UTRN: variants seen among roughly 807,000 people sequenced by gnomAD.
The protein encoded by UTRN is utrophin.
In UTRN, 283 loss-of-function variants were observed where a neutral mutation model predicts 463.9. The observed-to-expected ratio is 0.61, with a 90% CI of 0.55 to 0.67. The LOEUF is 0.67. Ranked by LOEUF, UTRN falls within the 30% of genes least tolerant of loss-of-function variation. UTRN has a pLI of 0.00. For synonymous variants in UTRN, 1,442 were observed against 1,431.5 expected, an observed-to-expected ratio of 1.01 and a Z score of -0.17; for missense variants, 3,922 against 4,084.3, an observed-to-expected ratio of 0.96 and a Z score of 1.08.
chr6:144,438,910 T>G lies in UTRN; in HGVS notation c.1392+15T>G. ...AAGAACATAAAGTAAATCTGTCTCA[T>G]ATTTCTTCGATACCTTATCAAATAT... On this transcript the variant is annotated intron_variant, in intron 12 of 74. Transcript: ENST00000367545. The G allele has an allele frequency of 6.2e-7, 1 of 1,613,298 alleles. No individual in the cohort carries two copies. Among genetic ancestry groups the G allele is most frequent in the Non-Finnish European group, 8.5e-7 (1 of 1,179,438 alleles).
chr6:144,461,240 A>G lies in UTRN; in HGVS notation c.2751A>G (p.Lys917=), dbSNP rs150243079. The G allele has an allele frequency of 6.2e-7, 1 of 1,608,804 alleles. No homozygotes were observed. Among genetic ancestry groups the G allele is most frequent in the Admixed American group, 1.7e-5 (1 of 59,728 alleles). Residue 917 remains lysine (K), a synonymous_variant, in exon 22 of 75, where the codon AAA becomes AAG. Coordinates refer to ENST00000367545, the MANE Select transcript of UTRN (RefSeq NM_007124.3). ...QPGHAYLETL[K]TLKDVLNDSE... is the part of the protein sequence containing the mutation. ...GACATGCATATCTGGAAACATTGAA[A>G]ACACTGAAAGATGTGCTAAATGATT...
At chr6:144,315,879 C>T (rs1398311510) in intron 2 of UTRN, among the ~76,000 whole-genome samples, 1 of 152,152 alleles carries the variant, frequency 6.6e-6, no homozygotes, top group Non-Finnish European at 1.5e-5. Context: ...CATGATTTGC[C>T]AGATGAGAAC....
intron 11 of UTRN, among the ~76,000 whole-genome samples, chr6:144,438,466 C>T (rs763434790): frequency 1.8e-4 from 28 of 152,112 alleles, no homozygotes; most frequent in Non-Finnish European, 2.4e-4. Context: ...TTGCCACTTC[C>T]ACCTATTTAA....
chr6:144,344,012 G>A (rs1297136211), intron 2 of UTRN: 1 of 515,638 alleles, frequency 1.9e-6, no homozygotes, highest in African/African-American at 2.2e-5. Context: ...TGACTACAAA[G>A]TGTAACTTCC....
intron 44 of UTRN, among the ~76,000 whole-genome samples, chr6:144,538,594 C>T (rs1199220564): frequency 6.7e-6 from 1 of 149,820 alleles, no homozygotes; most frequent in Non-Finnish European, 1.5e-5. Context: ...GGCATGAACC[C>T]AGGAGGCAGA....
intron 2 of UTRN, among the ~76,000 whole-genome samples, chr6:144,390,951 GT>G (rs1290141914): frequency 6.6e-6 from 1 of 152,020 alleles, no homozygotes; most frequent in Admixed American, 6.6e-5. Flanking sequence ...CTATTTCTTT[GT>G]ACAGTGTTTT....
chr6:144,550,324 A>G (rs1486494542), intron 47 of UTRN, among the ~76,000 whole-genome samples: 1 of 152,224 alleles, frequency 6.6e-6, no homozygotes, highest in African/African-American at 2.4e-5. Context: ...ACTGGGAAAA[A>G]GTCATTTGCC....
intron 28 of UTRN, among the ~76,000 whole-genome samples, chr6:144,486,814 T>C (rs1348974678): frequency 6.6e-6 from 1 of 152,118 alleles, no homozygotes; most frequent in Non-Finnish European, 1.5e-5. Flanking sequence ...GCCATCGCAC[T>C]TGGCCAGGCT....
intron 10 of UTRN, among the ~76,000 whole-genome samples, chr6:144,436,862 AAT>A (rs1298299202): frequency 7.0e-6 from 1 of 143,308 alleles, no homozygotes; most frequent in African/African-American, 2.5e-5. Flanking sequence ...TATATAAATA[AAT>A]ATATATAAAT....
At chr6:144,637,511 A>C (rs1307990761) in intron 51 of UTRN, among the ~76,000 whole-genome samples, 1 of 152,024 alleles carries the variant, frequency 6.6e-6, no homozygotes, top group African/African-American at 2.4e-5. Context: ...TACATGTTAT[A>C]ACGTGCAACG....
chr6:144,291,883 A>G lies in UTRN; in HGVS notation c.55A>G (p.Ser19Gly). Residue 19 changes from serine to glycine, a missense_variant, in exon 2 of 75, where the codon AGT (serine) becomes GGT (glycine). Around this residue, in one of 3 missense-constraint regions of UTRN, gnomAD observed 264 missense variants for 327.9 expected, o/e 0.81. Coordinates refer to ENST00000367545, the MANE Select transcript of UTRN (RefSeq NM_007124.3). ...ASPDNGQNEFSDIIKSRSDEH... is the reference protein window; with the variant it reads ...ASPDNGQNEFGDIIKSRSDEH... ...TCCTGACAATGGGCAGAACGAATTC[A>G]GTGATATCATTAAGTCCAGATCTGG... is the stretch of plus-strand genomic sequence containing the variant. The G allele has an allele frequency of 1.2e-6, 2 of 1,613,252 alleles. No individual in the cohort carries two copies. The highest frequency in any genetic ancestry group is 1.7e-6 in the Non-Finnish European group (2 of 1,179,570).
chr6:144,430,682 TCAA>T (rs1489907079), intron 9 of UTRN, among the ~76,000 whole-genome samples: 1 of 152,150 alleles, frequency 6.6e-6, no homozygotes, highest in Non-Finnish European at 1.5e-5. Flanking sequence ...TAATAAACAC[TCAA>T]CAAGCAACAG....
At chr6:144,354,524 C>A (rs555111821) in intron 2 of UTRN, among the ~76,000 whole-genome samples, 1 of 152,300 alleles carries the variant, frequency 6.6e-6, no homozygotes, top group South Asian at 2.1e-4. Flanking sequence ...TGGGTAGTGG[C>A]CCGAGTTAGG....
chr6:144,827,528 T>C, intron 67 of UTRN, 83 bp from the exon 68 acceptor site: 1 of 1,598,456 alleles, frequency 6.3e-7, no homozygotes, highest in South Asian at 1.1e-5. Context: ...GCAGATTCAT[T>C]ACTTAAGTAA....
chr6:144,668,198 C>T (rs1160583481), intron 51 of UTRN, among the ~76,000 whole-genome samples: 1 of 152,160 alleles, frequency 6.6e-6, no homozygotes. Flanking sequence ...CAATTCACCT[C>T]ATGTAACTGA....
intron 2 of UTRN, among the ~76,000 whole-genome samples, chr6:144,359,719 C>T (rs961630679): frequency 3.4e-5 from 5 of 147,012 alleles, no homozygotes; most frequent in African/African-American, 1.0e-4. Context: ...GTCTACGCAT[C>T]GTTTTTTTTT....
intron 2 of UTRN, among the ~76,000 whole-genome samples, chr6:144,401,811 A>C (rs965171894): frequency 6.6e-6 from 1 of 152,178 alleles, no homozygotes; most frequent in African/African-American, 2.4e-5. Context: ...ATCCTAGCAG[A>C]GGTTCGTGAG....
intron 51 of UTRN, among the ~76,000 whole-genome samples, chr6:144,622,184 G>GTTTTTTTTTTTTTTTTTT (rs1199579909): frequency 3.4e-5 from 3 of 88,200 alleles, no homozygotes; most frequent in Non-Finnish European, 6.3e-5. Context: ...TTTTTTTGTT[G>GTTTTTTTTTTTTTTTTTT]TTTTTTTTTT....
intron 60 of UTRN, among the ~76,000 whole-genome samples, chr6:144,777,648 G>A (rs895152847): frequency 6.6e-6 from 1 of 152,152 alleles, no homozygotes; most frequent in Non-Finnish European, 1.5e-5. Flanking sequence ...GAAACTTTAT[G>A]TGATAGGTAA....
Sources: gnomAD v4.1 joint callset for allele counts (sites outside exome capture counted in the v4.1 genomes callset) on GRCh38, gnomAD v4.1.1 for gene constraint, gnomAD v4.1.1 regional missense constraint, MANE v1.5 for transcripts, NCBI Gene and HGNC (gene_info 2026-07-23, HGNC 2026-07-21) for gene names.